Variants in CUX2 observed in about 807,000 individuals in gnomAD.
CUX2 encodes cut like homeobox 2, also known as homeobox protein cut-like 2.
Under a neutral mutation model 144.8 loss-of-function variants are expected in CUX2, and 40 were observed. That is an observed-to-expected ratio of 0.28 (90% CI 0.21 to 0.36). The LOEUF (loss-of-function observed/expected upper bound fraction) is 0.36, where lower values mean the gene tolerates loss of function less well. Ranked by LOEUF, CUX2 falls within the 10% of genes least tolerant of loss-of-function variation. The pLI, the probability that CUX2 is intolerant of heterozygous loss-of-function variation, is 1.00. For missense variants in CUX2, 1,615 were observed against 1,994.0 expected (o/e 0.81, Z 3.62); for synonymous variants, 827 against 875.6 (o/e 0.94, Z 0.98).
chr12:111,158,323 T>G (rs1223429087), intron 1 of CUX2, among the ~76,000 whole-genome samples: 3 of 151,912 alleles, frequency 2.0e-5, no homozygotes, highest in Non-Finnish European at 2.9e-5. Context: ...TTAAGAAGAA[T>G]GAGCTCAAGT....
intron 1 of CUX2, among the ~76,000 whole-genome samples, chr12:111,209,957 C>T (rs1261818586): frequency 6.6e-6 from 1 of 152,006 alleles, no homozygotes; most frequent in Non-Finnish European, 1.5e-5. Flanking sequence ...TGTCTGTCTG[C>T]TGCTGATGGC....
At chr12:111,273,423 G>A (rs1292233250) in intron 4 of CUX2, among the ~76,000 whole-genome samples, 1 of 152,136 alleles carries the variant, frequency 6.6e-6, no homozygotes, top group Non-Finnish European at 1.5e-5. Context: ...AGAAGTGACG[G>A]AGCCTGAATC....
intron 1 of CUX2, among the ~76,000 whole-genome samples, chr12:111,206,899 G>A (rs1220404707): frequency 6.6e-6 from 1 of 152,180 alleles, no homozygotes; most frequent in Non-Finnish European, 1.5e-5. Context: ...ATGGGTAGAT[G>A]TATAACTGGA....
intron 1 of CUX2, among the ~76,000 whole-genome samples, chr12:111,151,422 A>T (rs1877043492): frequency 6.6e-6 from 1 of 152,240 alleles, no homozygotes. Flanking sequence ...TCAGTTTTAC[A>T]TTGATTCCTA....
intron 3 of CUX2, among the ~76,000 whole-genome samples, chr12:111,237,868 G>A (rs1442204647): frequency 6.6e-6 from 1 of 152,208 alleles, no homozygotes; most frequent in Non-Finnish European, 1.5e-5. Context: ...GAATGCAGGG[G>A]TTCTGAGTGC....
chr12:111,291,686 T>A, intron 5 of CUX2, 134 bp downstream of exon 5: 1 of 1,006,882 alleles, frequency 9.9e-7, no homozygotes, highest in Non-Finnish European at 1.4e-6. Context: ...GGTAACCATC[T>A]AGTTCCTGGG....
Position 111,293,342 on chromosome 12 carries a change from G to A in CUX2, c.437-104G>A. On this transcript the variant is annotated intron_variant, in intron 5 of 21. Coordinates refer to ENST00000261726, the MANE Select transcript of CUX2 (RefSeq NM_015267.4). This position sits in a 1 kb window ranked among gnomAD's most constrained non-coding sequence, Gnocchi z 4.5. The stretch of plus-strand genomic sequence containing the variant: ...GCGCTCTCTCCAAGGCCCAAGTTTG[G>A]GAAATTGATCACAATCAATGATCGA... 1 of 1,462,388 alleles carries A rather than the reference G, an allele frequency of 6.8e-7. No homozygotes were observed. The highest frequency in any genetic ancestry group is 9.1e-7 in the Non-Finnish European group (1 of 1,102,082). The allele number at this position is 1,462,388 out of a possible 1,614,324, so 90.6% of individuals were successfully genotyped here. A position where few individuals can be genotyped will look rare whatever the true frequency, so the allele number is the denominator to read the frequency against.
At chr12:111,070,222 A>G (rs1871198052) in intron 1 of CUX2, among the ~76,000 whole-genome samples, 1 of 152,136 alleles carries the variant, frequency 6.6e-6, no homozygotes, top group Non-Finnish European at 1.5e-5. Context: ...GCCTGAAGAC[A>G]TCCTGCCCAG....
chr12:111,145,656 C>T (rs1168381912), intron 1 of CUX2, among the ~76,000 whole-genome samples: 2 of 152,074 alleles, frequency 1.3e-5, no homozygotes, highest in Non-Finnish European at 2.9e-5. Context: ...GCTAGAGCCA[C>T]CATGCTCGGC....
chr12:111,223,432 C>T (rs1433983119), intron 3 of CUX2, among the ~76,000 whole-genome samples: 9 of 152,166 alleles, frequency 5.9e-5, no homozygotes, highest in Non-Finnish European at 1.3e-4. Flanking sequence ...TCCCTGCATT[C>T]CCCTGCCAAG....
chr12:111,134,676 A>C (rs1875745903), intron 1 of CUX2, among the ~76,000 whole-genome samples: 1 of 150,834 alleles, frequency 6.6e-6, no homozygotes, highest in South Asian at 2.1e-4. Flanking sequence ...GTCAAACCAA[A>C]TATGTACCTA....
intron 1 of CUX2, among the ~76,000 whole-genome samples, chr12:111,183,301 G>T (rs1592812741): frequency 6.6e-6 from 1 of 152,258 alleles, no homozygotes; most frequent in South Asian, 2.1e-4. Flanking sequence ...GGCAGGCCTG[G>T]CATTTGGGCC....
At chr12:111,154,046 G>A (rs1877227649) in intron 1 of CUX2, among the ~76,000 whole-genome samples, 2 of 152,204 alleles carry the variant, frequency 1.3e-5, no homozygotes, top group South Asian at 4.2e-4. Flanking sequence ...GCTCATCTTA[G>A]CTTTTTTACC....
chr12:111,159,140 T>G (rs1877581989), intron 1 of CUX2, among the ~76,000 whole-genome samples: 1 of 151,926 alleles, frequency 6.6e-6, no homozygotes, highest in South Asian at 2.1e-4. Flanking sequence ...CTGCCAGGAT[T>G]TTGTTGTTGT....
At chr12:111,188,513 A>G (rs1879687847) in intron 1 of CUX2, among the ~76,000 whole-genome samples, 1 of 152,228 alleles carries the variant, frequency 6.6e-6, no homozygotes, top group African/African-American at 2.4e-5. Flanking sequence ...AGGGAAGGCC[A>G]GCAGGAGCCA....
intron 18 of CUX2, among the ~76,000 whole-genome samples, chr12:111,328,687 G>C (rs1215412462): frequency 2.0e-5 from 3 of 150,018 alleles, no homozygotes; most frequent in Non-Finnish European, 3.0e-5. Flanking sequence ...GTAACCTCCG[G>C]CTCCTGGGTT....
intron 1 of CUX2, among the ~76,000 whole-genome samples, chr12:111,075,421 CCTCT>C (rs1047110908): frequency 3.3e-5 from 5 of 151,950 alleles, no homozygotes; most frequent in Non-Finnish European, 5.9e-5. Flanking sequence ...AGGGAGTTGG[CCTCT>C]CTCTGGTCTC....
chr12:111,236,493 C>T (rs1882754230), intron 3 of CUX2, among the ~76,000 whole-genome samples: 1 of 152,134 alleles, frequency 6.6e-6, no homozygotes, highest in Non-Finnish European at 1.5e-5. Context: ...GCAGGGGCCT[C>T]AGTTACACAG....
chr12:111,329,740 A>G (rs536891357), intron 18 of CUX2, among the ~76,000 whole-genome samples: 2 of 152,200 alleles, frequency 1.3e-5, no homozygotes, highest in East Asian at 1.9e-4. Context: ...GGTTCAACCA[A>G]TTCTCCTGCC....
Sources: allele counts gnomAD v4.1 joint callset (sites outside exome capture counted in the v4.1 genomes callset), GRCh38; gene constraint gnomAD v4.1.1; non-coding constraint Gnocchi (gnomAD v3.1); transcripts MANE v1.5; gene names NCBI Gene and HGNC (gene_info 2026-07-23, HGNC 2026-07-21).